Variants in NCALD observed in about 807,000 individuals in gnomAD.
NCALD encodes the protein neurocalcin delta.
A neutral mutation model predicts 18.6 loss-of-function variants in NCALD; 10 were observed. The ratio of observed to expected loss-of-function variants is 0.54; its 90% CI spans 0.33 to 0.91. The LOEUF (loss-of-function observed/expected upper bound fraction) is 0.91, where lower values mean the gene tolerates loss of function less well. Among genes scored for constraint, NCALD ranks in the 40% least tolerant of loss-of-function variants. The pLI is 0.03. For missense variants in NCALD, 184 were observed against 247.6 expected (o/e 0.74, Z 1.72); for synonymous variants, 88 against 87.4 (o/e 1.01, Z -0.04).
intron 2 of NCALD, among the ~76,000 whole-genome samples, chr8:101,989,166 A>G (rs1820949291): frequency 6.6e-6 from 1 of 152,176 alleles, no homozygotes; most frequent in African/African-American, 2.4e-5. Flanking sequence ...GGCAAGTGAT[A>G]AAGAGGGAGC....
Position 101,880,828 on chromosome 8 carries a change from C to T in NCALD, c.-20+6313G>A, listed in dbSNP as rs76307894. 1.2e-3 allele frequency among the ~76,000 whole-genome samples: 186 copies of T among 152,194 alleles called. 1 individual carries two copies. The highest frequency in any genetic ancestry group is 2.2e-3 in the Non-Finnish European group (150 of 68,016). On this transcript the variant is annotated intron_variant, in intron 4 of 6. Transcript: ENST00000311028. ...GAGGCAGAAAAGTGCAAAGATGACC[C>T]GGGCCACCTCCTTCATTATGGCTGG...
chr8:102,041,906 G>A (rs1027621017), intron 1 of NCALD, among the ~76,000 whole-genome samples: 10 of 151,948 alleles, frequency 6.6e-5, no homozygotes, highest in African/African-American at 2.4e-4. Flanking sequence ...CCAAAAAAGC[G>A]AAATCACCTA....
chr8:101,727,621 C>T (rs1816630956), intron 1 of NCALD, among the ~76,000 whole-genome samples: 1 of 152,236 alleles, frequency 6.6e-6, no homozygotes, highest in South Asian at 2.1e-4. Flanking sequence ...GCTGCGACTA[C>T]AGATGCACAT....
intron 2 of NCALD, among the ~76,000 whole-genome samples, chr8:102,005,794 C>T (rs1471967573): frequency 3.4e-5 from 5 of 149,082 alleles, no homozygotes; most frequent in Admixed American, 6.8e-5. Context: ...AACCAAACAC[C>T]GCATGTTCTC....
intron 4 of NCALD, among the ~76,000 whole-genome samples, chr8:101,829,315 A>T (rs1814073840): frequency 6.6e-6 from 1 of 152,366 alleles, no homozygotes; most frequent in South Asian, 2.1e-4. Context: ...AAAATAACTT[A>T]CAAGGAACTT....
chr8:101,902,445 G>A (rs1370919530), intron 3 of NCALD, among the ~76,000 whole-genome samples: 2 of 152,154 alleles, frequency 1.3e-5, no homozygotes, highest in East Asian at 1.9e-4. Flanking sequence ...CAGTGACCAC[G>A]CAGGCTGATG....
chr8:102,040,498 G>T (rs1301759006), intron 1 of NCALD, among the ~76,000 whole-genome samples: 1 of 143,706 alleles, frequency 7.0e-6, no homozygotes, highest in Non-Finnish European at 1.5e-5. Flanking sequence ...AGAAAAGAAA[G>T]AAATCTAAGG....
chr8:101,808,498 T>C (rs1213242931), intron 4 of NCALD, among the ~76,000 whole-genome samples: 2 of 152,168 alleles, frequency 1.3e-5, no homozygotes, highest in Non-Finnish European at 2.9e-5. Context: ...CTTCCATAGA[T>C]ATAGAATCTT....
intron 2 of NCALD, among the ~76,000 whole-genome samples, chr8:101,917,356 T>A (rs1054485022): frequency 7.9e-5 from 12 of 152,150 alleles, no homozygotes; most frequent in African/African-American, 2.9e-4. Context: ...AGCAAAGTTA[T>A]AGCACTAAAC....
chr8:101,955,426 C>T (rs1481277612), intron 2 of NCALD, among the ~76,000 whole-genome samples: 1 of 152,108 alleles, frequency 6.6e-6, no homozygotes, highest in Non-Finnish European at 1.5e-5. Flanking sequence ...GGACATGACT[C>T]TTCTGAAAAA....
intron 2 of NCALD, among the ~76,000 whole-genome samples, chr8:101,942,782 G>A (rs993296529): frequency 3.3e-5 from 5 of 152,172 alleles, no homozygotes; most frequent in African/African-American, 1.2e-4. Context: ...GCTTTCCCAA[G>A]GTCACATAGC....
chr8:101,831,331 G>A (rs1201396723), intron 4 of NCALD, among the ~76,000 whole-genome samples: 1 of 152,034 alleles, frequency 6.6e-6, no homozygotes, highest in South Asian at 2.1e-4. Flanking sequence ...CCATGCCAAT[G>A]TCAGATATGA....
chr8:101,915,584 A>G (rs1817946408), intron 3 of NCALD: 1 of 152,230 alleles, frequency 6.6e-6, no homozygotes, highest in Non-Finnish European at 1.5e-5. Flanking sequence ...AGTAATATTC[A>G]AAGGTGATAA....
At chr8:101,980,802 T>C (rs922001963) in intron 2 of NCALD, among the ~76,000 whole-genome samples, 3 of 152,244 alleles carry the variant, frequency 2.0e-5, no homozygotes, top group Non-Finnish European at 4.4e-5. Flanking sequence ...GCGGTATTCA[T>C]GTACCATCCA....
intron 1 of NCALD, among the ~76,000 whole-genome samples, chr8:102,113,030 G>A (rs1230019360): frequency 2.6e-5 from 4 of 151,944 alleles, no homozygotes; most frequent in Non-Finnish European, 5.9e-5. Flanking sequence ...TTCCATTATA[G>A]CAACGCAAAA....
intron 1 of NCALD, among the ~76,000 whole-genome samples, chr8:102,092,440 C>A (rs1824955358): frequency 6.6e-6 from 1 of 152,224 alleles, no homozygotes; most frequent in South Asian, 2.1e-4. Flanking sequence ...TGTGTGAGAT[C>A]TAAGAACCCT....
intron 4 of NCALD, among the ~76,000 whole-genome samples, chr8:101,806,093 G>T (rs1323243131): frequency 6.6e-6 from 1 of 152,090 alleles, no homozygotes; most frequent in Non-Finnish European, 1.5e-5. Context: ...GTATGCCCAA[G>T]GCTGTGCCCT....
At chr8:101,879,831 C>G (rs1327577134) in intron 4 of NCALD, among the ~76,000 whole-genome samples, 1 of 152,182 alleles carries the variant, frequency 6.6e-6, no homozygotes, top group African/African-American at 2.4e-5. Context: ...TAGACACAGG[C>G]TGCTGACTGG....
intron 1 of NCALD, among the ~76,000 whole-genome samples, chr8:102,080,569 T>G (rs1451186559): frequency 1.3e-5 from 2 of 152,176 alleles, no homozygotes; most frequent in African/African-American, 4.8e-5. Flanking sequence ...GAGAAGGAAT[T>G]TAACAGGTGT....
Sources: gnomAD v4.1 joint callset for allele counts (sites outside exome capture counted in the v4.1 genomes callset) on GRCh38, gnomAD v4.1.1 for gene constraint, MANE v1.5 for transcripts, NCBI Gene and HGNC (gene_info 2026-07-23, HGNC 2026-07-21) for gene names.